TTC39C: variants seen among roughly 807,000 people sequenced by gnomAD.
TTC39C encodes tetratricopeptide repeat domain 39C, also known as tetratricopeptide repeat protein 39C.
In TTC39C, 33 loss-of-function variants were observed where a neutral mutation model predicts 76.3. That is an observed-to-expected ratio of 0.43 (90% confidence interval 0.33 to 0.58). The LOEUF (loss-of-function observed/expected upper bound fraction) is 0.58, where lower values mean the gene tolerates loss of function less well. Ranked by LOEUF, TTC39C falls within the 20% of genes least tolerant of loss-of-function variation. The pLI, the probability that TTC39C is intolerant of heterozygous loss-of-function variation, is 0.04. For missense variants in TTC39C, 595 were observed against 701.4 expected, an observed-to-expected ratio of 0.85 and a Z score of 1.71; for synonymous variants, 254 against 260.6, an observed-to-expected ratio of 0.97 and a Z score of 0.24.
At chr18:24,001,222 T>C (rs1419163647) in intron 1 of TTC39C, among the ~76,000 whole-genome samples, 1 of 152,208 alleles carries the variant, frequency 6.6e-6, no homozygotes, top group Non-Finnish European at 1.5e-5. Context: ...TCTATCTGTG[T>C]TCCTGTTAGA....
rs1182625147 is a variant in TTC39C, at chr18:24,134,257, G to GTTTTTTTTTTTTTTTTTTTT, written c.*1689_*1690insTTTTTTTTTTTTTTTTTTTT. 17 of 48,724 alleles carry GTTTTTTTTTTTTTTTTTTTT rather than the reference G, an allele frequency of 3.5e-4. 6 individuals are homozygous for GTTTTTTTTTTTTTTTTTTTT. The highest frequency in any genetic ancestry group is 5.5e-4 in the East Asian group (1 of 1,834). 3.0% of individuals were successfully genotyped at this position (48,724 alleles called of 1,614,324 possible). On this transcript the variant is annotated 3_prime_UTR_variant, in exon 14 of 14. Coordinates refer to ENST00000317571, the MANE Select transcript of TTC39C (RefSeq NM_001135993.2). ...TGGTGCCCAAAAATATTGGACATCTGTTTTTTGTTTTTTTTTTTTTTTTTT... is the reference window on the plus strand; with the variant it reads ...TGGTGCCCAAAAATATTGGACATCTGTTTTTTTTTTTTTTTTTTTTTTTTTTGTTTTTTTTTTTTTTTTTT...
rs1216718329 is a variant in TTC39C, at chr18:24,117,126, C to T, written c.1079-999C>T. 2.0e-5 allele frequency among the ~76,000 whole-genome samples: 3 copies of T among 152,088 alleles called. No homozygotes were observed. In the East Asian group the frequency reaches 5.8e-4, roughly 29 times the overall value. On this transcript the variant is annotated intron_variant, in intron 7 of 13. Coordinates refer to ENST00000317571, the MANE Select transcript of TTC39C (RefSeq NM_001135993.2). ...GGATTAGTCCTTGCTAATACAAGGA[C>T]ACTATTAGCCCCCTTTGCAAGGTTG...
intron 6 of TTC39C, among the ~76,000 whole-genome samples, chr18:24,111,516 C>T (rs1365067045): frequency 6.6e-6 from 1 of 151,438 alleles, no homozygotes; most frequent in Non-Finnish European, 1.5e-5. Flanking sequence ...TTGCATTGAG[C>T]CAAGATCACG....
intron 1 of TTC39C, among the ~76,000 whole-genome samples, chr18:24,023,965 TATATATATATATATACATATATATATATA>T (rs2083553438): frequency 9.5e-5 from 1 of 10,530 alleles, no homozygotes; most frequent in African/African-American, 1.7e-4. Flanking sequence ...TATATATATA[TATATATATATATATACATATATATATATA>T]TATATATATA....
chr18:24,017,668 A>G (rs531225158), intron 1 of TTC39C, among the ~76,000 whole-genome samples: 10 of 152,332 alleles, frequency 6.6e-5, no homozygotes, highest in African/African-American at 2.4e-4. Context: ...CCAAAGTTAA[A>G]TGGCCTGCTG....
chr18:24,030,854 C>T (rs888011389), intron 1 of TTC39C, among the ~76,000 whole-genome samples: 1 of 152,086 alleles, frequency 6.6e-6, no homozygotes, highest in African/African-American at 2.4e-5. Context: ...CCATGTTGGC[C>T]AGCCTGGTCT....
intron 1 of TTC39C, among the ~76,000 whole-genome samples, chr18:24,003,495 G>T (rs995494379): frequency 7.2e-5 from 11 of 152,180 alleles, no homozygotes; most frequent in African/African-American, 2.7e-4. Context: ...CCTCAAAAAA[G>T]ATCCTGTTGA....
chr18:24,125,195 C>T (rs2145825598), intron 9 of TTC39C, among the ~76,000 whole-genome samples: 1 of 152,228 alleles, frequency 6.6e-6, no homozygotes, highest in African/African-American at 2.4e-5. Context: ...CCTGGCCCCA[C>T]CCTGCATTTT....
intron 4 of TTC39C, among the ~76,000 whole-genome samples, chr18:24,073,872 C>T (rs2084271387): frequency 6.6e-6 from 1 of 152,224 alleles, no homozygotes; most frequent in African/African-American, 2.4e-5. Flanking sequence ...CCATTTACTG[C>T]AGGTATCACA....
chr18:24,017,191 T>C (rs957464483), intron 1 of TTC39C, among the ~76,000 whole-genome samples: 16 of 152,310 alleles, frequency 1.1e-4, no homozygotes, highest in African/African-American at 3.8e-4. Flanking sequence ...TCCATCTGAT[T>C]TGTTTGTGGT....
chr18:24,041,618 T>C (rs1207636545), intron 1 of TTC39C, among the ~76,000 whole-genome samples: 3 of 152,230 alleles, frequency 2.0e-5, no homozygotes, highest in African/African-American at 7.2e-5. Context: ...GCTTTCCTCT[T>C]ATCTGTTGCC....
At chr18:24,019,996 A>G in intron 1 of TTC39C, 1 of 1,446,728 alleles carries the variant, frequency 6.9e-7, no homozygotes, top group Non-Finnish European at 9.0e-7. Flanking sequence ...GAGGACTGGA[A>G]GGACTTGCAG....
chr18:24,042,522 G>A (rs1247881220), intron 1 of TTC39C, among the ~76,000 whole-genome samples: 1 of 152,170 alleles, frequency 6.6e-6, no homozygotes, highest in Non-Finnish European at 1.5e-5. Flanking sequence ...CTCCTGCTGT[G>A]TGGCCCAGTT....
chr18:24,039,332 G>T (rs1452942404), intron 1 of TTC39C, among the ~76,000 whole-genome samples: 6 of 152,240 alleles, frequency 3.9e-5, no homozygotes, highest in Non-Finnish European at 8.8e-5. Context: ...GACTAGGCAT[G>T]TGTTATAGTC....
At position 24,077,529 on chromosome 18, in the gene TTC39C, A is replaced by AT. The variant is rs761974810; in HGVS notation, c.461-3050dup. ...AATATGTATGTTAAGTTGCATGCTT[A>AT]TTTTTTCCTTTGTTTATTTTCTTTT... On this transcript the variant is annotated intron_variant, in intron 4 of 13. Coordinates refer to ENST00000317571, the MANE Select transcript of TTC39C (RefSeq NM_001135993.2). Among the ~76,000 whole-genome samples, 58 of 152,168 alleles carry AT rather than the reference A, an allele frequency of 3.8e-4. No individual in the cohort carries two copies. The South Asian group carries it at 0.012, about 30-fold the overall frequency.
chr18:24,048,493 A>G (rs141419833), intron 1 of TTC39C, among the ~76,000 whole-genome samples: 1 of 152,240 alleles, frequency 6.6e-6, no homozygotes, highest in Non-Finnish European at 1.5e-5. Context: ...GGGGCCAGTT[A>G]TGCCTGTATG....
rs2084865947 is a variant in TTC39C at position 24,114,474 on chromosome 18, A to G, written c.985-80A>G. Reference sequence around the variant, plus strand: ...ACCTGTTTAAAATAACTATGAAGGAAAAAGATGCTTTTGAATTATGATGAT... The same window carrying G: ...ACCTGTTTAAAATAACTATGAAGGAGAAAGATGCTTTTGAATTATGATGAT... On this transcript the variant is annotated intron_variant, in intron 6 of 13. Transcript: ENST00000317571. 6 of 1,105,436 alleles carry G rather than the reference A, an allele frequency of 5.4e-6. No individual in the cohort carries two copies. In the African/African-American group the frequency reaches 7.7e-5, roughly 14 times the overall value. 68.5% of individuals were successfully genotyped at this position (1,105,436 alleles called of 1,614,324 possible).
chr18:24,041,999 C>A (rs1010736959), intron 1 of TTC39C, among the ~76,000 whole-genome samples: 7 of 152,162 alleles, frequency 4.6e-5, no homozygotes, highest in Non-Finnish European at 1.0e-4. Context: ...ATATTTTTAA[C>A]CGTTAACAAC....
chr18:24,044,117 T>C (rs1284060892), intron 1 of TTC39C, among the ~76,000 whole-genome samples: 1 of 151,442 alleles, frequency 6.6e-6, no homozygotes, highest in African/African-American at 2.4e-5. Flanking sequence ...GTTAGAGCCG[T>C]AGTGCAAACC....
Sources: allele counts gnomAD v4.1 joint callset (sites outside exome capture counted in the v4.1 genomes callset), GRCh38; gene constraint gnomAD v4.1.1; transcripts MANE v1.5; gene names NCBI Gene and HGNC (gene_info 2026-07-23, HGNC 2026-07-21).